METTL16: variants seen among roughly 807,000 people sequenced by gnomAD.
The protein encoded by METTL16 is methyltransferase 16, RNA N6-adenosine.
A neutral mutation model predicts 57.9 loss-of-function variants in METTL16; 19 were observed. The observed-to-expected ratio is 0.33, with a 90% CI of 0.23 to 0.48. The LOEUF (loss-of-function observed/expected upper bound fraction) is 0.48, where lower values mean the gene tolerates loss of function less well. Ranked by LOEUF, METTL16 falls within the 20% of genes least tolerant of loss-of-function variation. METTL16 has a pLI of 0.99. For missense variants in METTL16, 434 were observed against 691.5 expected, an observed-to-expected ratio of 0.63 and a Z score of 4.18; for synonymous variants, 246 against 255.6, an observed-to-expected ratio of 0.96 and a Z score of 0.36.
intron 3 of METTL16, among the ~76,000 whole-genome samples, chr17:2,476,767 T>C (rs2067271425): frequency 6.6e-6 from 1 of 150,586 alleles, no homozygotes; most frequent in Non-Finnish European, 1.5e-5. Flanking sequence ...AACAACCTGA[T>C]CAACATGGTG....
intron 6 of METTL16, among the ~76,000 whole-genome samples, chr17:2,442,835 C>CT (rs56689043): frequency 0.19 from 27,250 of 147,066 alleles, 2,995 homozygotes; most frequent in African/African-American, 0.32. Context: ...TTCAATAGTT[C>CT]TTTTTTTTTT....
chr17:2,444,060 G>A (rs2066974239), intron 6 of METTL16, among the ~76,000 whole-genome samples: 1 of 142,850 alleles, frequency 7.0e-6, no homozygotes, highest in East Asian at 1.9e-4. Context: ...TGAGGCATAT[G>A]TTAGTTAGTT....
intron 8 of METTL16, among the ~76,000 whole-genome samples, chr17:2,437,533 TA>T (rs11317469): frequency 0.18 from 27,266 of 149,950 alleles, 8,007 homozygotes; most frequent in African/African-American, 0.61. Flanking sequence ...TTTTGTTTTT[TA>T]AAAAAATTTT....
chr17:2,502,508 C>T (rs192548359), intron 1 of METTL16, among the ~76,000 whole-genome samples, 177 bp from the exon 2 acceptor site: 1 of 152,032 alleles, frequency 6.6e-6, no homozygotes, highest in East Asian at 1.9e-4. Context: ...GATGAAAGCC[C>T]GTCTCTACTA....
chr17:2,444,518 G>A (rs759677145), intron 6 of METTL16, among the ~76,000 whole-genome samples: 8 of 152,166 alleles, frequency 5.3e-5, no homozygotes, highest in Non-Finnish European at 1.0e-4. Context: ...TAGTGATGTC[G>A]TAGCTGTTGC....
rs1398964381 is a variant in METTL16 at position 2,417,609 on chromosome 17, A to G, written c.*2361T>C. 1 of 152,234 alleles carries G rather than the reference A, an allele frequency of 6.6e-6. No homozygotes were observed. The highest frequency in any genetic ancestry group is 2.4e-5 in the African/African-American group (1 of 41,468). The allele number at this position is 152,234 out of a possible 1,614,324, so 9.4% of individuals were successfully genotyped here. On this transcript the variant is annotated 3_prime_UTR_variant, in exon 10 of 10. Transcript: ENST00000263092. ...TACACTACTGTTACAACATGGACAA[A>G]TACTTGTAAGATGTTAAATGAACAA...
intron 3 of METTL16, among the ~76,000 whole-genome samples, chr17:2,476,419 G>A (rs141351088): frequency 6.6e-6 from 1 of 152,266 alleles, no homozygotes; most frequent in African/African-American, 2.4e-5. Flanking sequence ...AGGAATACCA[G>A]TATCTAGTGG....
At chr17:2,428,564 AATATATAT>A (rs71362532) in intron 8 of METTL16, among the ~76,000 whole-genome samples, 492 of 31,248 alleles carry the variant, frequency 0.016, 4 homozygotes, top group Non-Finnish European at 0.018. Context: ...AAAAAAAAAA[AATATATAT>A]ATATATATAT....
intron 6 of METTL16, among the ~76,000 whole-genome samples, chr17:2,442,545 C>T (rs955607369): frequency 2.7e-5 from 4 of 150,180 alleles, no homozygotes; most frequent in African/African-American, 4.9e-5. Flanking sequence ...AACAGGAAAA[C>T]AATGGAGAAG....
At chr17:2,493,233 T>C (rs1043251509) in intron 2 of METTL16, among the ~76,000 whole-genome samples, 12 of 149,324 alleles carry the variant, frequency 8.0e-5, no homozygotes, top group East Asian at 2.1e-4. Context: ...GGATTAGAGG[T>C]GCGTGCCACC....
At chr17:2,499,519 T>G (rs905768114) in intron 2 of METTL16, among the ~76,000 whole-genome samples, 4 of 151,988 alleles carry the variant, frequency 2.6e-5, no homozygotes. Flanking sequence ...TATATCACTA[T>G]GAAACAATGA....
intron 1 of METTL16, among the ~76,000 whole-genome samples, chr17:2,510,914 G>A (rs7214877): frequency 0.57 from 86,915 of 151,848 alleles, 28,035 homozygotes; most frequent in Non-Finnish European, 0.74. Flanking sequence ...TACCCATCTG[G>A]CATTCCATAT....
intron 2 of METTL16, among the ~76,000 whole-genome samples, chr17:2,478,104 C>T (rs995002496): frequency 3.3e-5 from 5 of 152,286 alleles, no homozygotes; most frequent in East Asian, 1.9e-4. Context: ...ACTGCATATC[C>T]GTATATGGAG....
intron 6 of METTL16, among the ~76,000 whole-genome samples, chr17:2,455,790 TG>T (rs1372596515): frequency 1.3e-5 from 2 of 152,178 alleles, no homozygotes; most frequent in East Asian, 3.9e-4. Context: ...GAGGCCACCC[TG>T]GGCAACATGG....
intron 6 of METTL16, among the ~76,000 whole-genome samples, chr17:2,447,955 GA>G (rs2067023189): frequency 2.4e-5 from 2 of 84,012 alleles, no homozygotes; most frequent in African/African-American, 5.1e-5. Flanking sequence ...GAGGTGGGGG[GA>G]TCAGCCCCCC....
intron 7 of METTL16, among the ~76,000 whole-genome samples, chr17:2,439,734 T>C (rs2066933609): frequency 6.6e-6 from 1 of 152,194 alleles, no homozygotes; most frequent in Non-Finnish European, 1.5e-5. Flanking sequence ...ACTCACCCTG[T>C]TTTTCTCCAC....
chr17:2,430,640 G>C (rs930110163), intron 8 of METTL16, among the ~76,000 whole-genome samples: 1 of 151,692 alleles, frequency 6.6e-6, no homozygotes, highest in Admixed American at 6.6e-5. Context: ...GGATGGTCTC[G>C]ATCTCCTGAC....
At chr17:2,455,588 C>A (rs997910036) in intron 6 of METTL16, among the ~76,000 whole-genome samples, 1 of 152,144 alleles carries the variant, frequency 6.6e-6, no homozygotes, top group Non-Finnish European at 1.5e-5. Context: ...AGAGCAGACA[C>A]CAATCAACAA....
In METTL16 at chr17:2,438,732, G is replaced by A. The variant is rs183161912; in HGVS notation, c.799-534C>T. On this transcript the variant is annotated intron_variant, in intron 7 of 9. Transcript: ENST00000263092. Reference sequence around the variant, plus strand: ...TGGTCTCAAACTCCTGACCTCAGGCGATCCGCCCACCTCGGCCTCCCAAAG... The same window carrying A: ...TGGTCTCAAACTCCTGACCTCAGGCAATCCGCCCACCTCGGCCTCCCAAAG... 6.3e-4 allele frequency among the ~76,000 whole-genome samples: 96 copies of A among 152,238 alleles called. 1 individual carries two copies. The highest frequency in any genetic ancestry group is 1.5e-3 in the African/African-American group (62 of 41,564).
Sources: gnomAD v4.1 joint callset for allele counts (sites outside exome capture counted in the v4.1 genomes callset) on GRCh38, gnomAD v4.1.1 for gene constraint, MANE v1.5 for transcripts, NCBI Gene and HGNC (gene_info 2026-07-23, HGNC 2026-07-21) for gene names.